TSPAN7: variants seen among roughly 807,000 people sequenced by gnomAD.
The protein encoded by TSPAN7 is tetraspanin-7.
TSPAN7 carries 1 observed loss-of-function variant against 17.6 expected under a neutral mutation model. That is an observed-to-expected ratio of 0.06 (90% confidence interval 0.02 to 0.27). The LOEUF is 0.27. Ranked by LOEUF, TSPAN7 falls within the 10% of genes least tolerant of loss-of-function variation. The probability of loss-of-function intolerance (pLI) is 1.00; values close to 1 mark genes in which losing one functional copy is unlikely to be tolerated. For missense variants in TSPAN7, 112 were observed against 201.7 expected, an observed-to-expected ratio of 0.56 and a Z score of 2.69; for synonymous variants, 78 against 79.0, an observed-to-expected ratio of 0.99 and a Z score of 0.07.
intron 1 of TSPAN7, among the ~76,000 whole-genome samples, chrX:38,587,345 A>C (rs1485331753): frequency 8.9e-6 from 1 of 112,023 alleles, no homozygotes; most frequent in Non-Finnish European, 1.9e-5. Context: ...TGATTGTTTA[A>C]TCTGCTTTGT....
At chrX:38,653,813 C>T (rs775366429) in intron 1 of TSPAN7, among the ~76,000 whole-genome samples, 26 of 112,100 alleles carry the variant, frequency 2.3e-4, no homozygotes, top group South Asian at 3.7e-4. Context: ...ATGTGCACAA[C>T]GTGCAGGTTT....
chrX:38,580,901 T>C (rs2069224062), intron 1 of TSPAN7, among the ~76,000 whole-genome samples: 1 of 111,652 alleles, frequency 9.0e-6, no homozygotes, highest in Non-Finnish European at 1.9e-5. Context: ...GAGGGTACTC[T>C]GAGAATCCCT....
intron 1 of TSPAN7, among the ~76,000 whole-genome samples, chrX:38,588,905 T>A (rs1460495507): frequency 9.0e-6 from 1 of 111,700 alleles, no homozygotes; most frequent in African/African-American, 3.3e-5. Context: ...TTTATCATTG[T>A]AATGGACTAG....
At chrX:38,627,445 G>A (rs1396355622) in intron 1 of TSPAN7, among the ~76,000 whole-genome samples, 1 of 112,206 alleles carries the variant, frequency 8.9e-6, no homozygotes, top group Non-Finnish European at 1.9e-5. Flanking sequence ...TTTTCAGATT[G>A]TTACGTCAGT....
chrX:38,604,550 A>G, intron 1 of TSPAN7, among the ~76,000 whole-genome samples: 1 of 111,244 alleles, frequency 9.0e-6, no homozygotes, highest in Non-Finnish European at 1.9e-5. Flanking sequence ...TGACTTTTTA[A>G]TGATTGCCAT....
intron 2 of TSPAN7, 68 bp downstream of exon 2, chrX:38,666,377 G>T (rs2069781806): frequency 1.8e-6 from 2 of 1,097,773 alleles, no homozygotes; most frequent in South Asian, 1.9e-5. Flanking sequence ...TTACATGGAG[G>T]TGAAGTGGTT....
At chrX:38,610,285 CA>C (rs770555321) in intron 1 of TSPAN7, among the ~76,000 whole-genome samples, 2 of 111,909 alleles carry the variant, frequency 1.8e-5, no homozygotes, top group South Asian at 7.5e-4. Flanking sequence ...ATCACTCAGC[CA>C]GTGAGTGGCA....
At chrX:38,682,719 T>A (rs1027881204) in intron 6 of TSPAN7, among the ~76,000 whole-genome samples, 11 of 111,715 alleles carry the variant, frequency 9.8e-5, no homozygotes, top group Non-Finnish European at 2.1e-4. Context: ...CAAACCAGAG[T>A]GGGGTCACAA....
intron 1 of TSPAN7, among the ~76,000 whole-genome samples, chrX:38,650,778 C>G (rs1311856529): frequency 9.0e-6 from 1 of 111,495 alleles, no homozygotes; most frequent in Non-Finnish European, 1.9e-5. Context: ...CTTTTCTGGA[C>G]TTCTCATTTG....
At chrX:38,584,013 G>A (rs1272365947) in intron 1 of TSPAN7, among the ~76,000 whole-genome samples, 4 of 97,849 alleles carry the variant, frequency 4.1e-5, no homozygotes, top group Non-Finnish European at 8.1e-5. Flanking sequence ...GAGTGCAGTG[G>A]CACAATCTCA....
chrX:38,671,823 C>A (rs183778618), intron 3 of TSPAN7, among the ~76,000 whole-genome samples: 10 of 111,031 alleles, frequency 9.0e-5, no homozygotes, highest in African/African-American at 3.3e-4. Flanking sequence ...GCAGGAGGAT[C>A]TCTTGAGGCC....
At chrX:38,634,493 T>C (rs993339042) in intron 1 of TSPAN7, among the ~76,000 whole-genome samples, 1 of 112,121 alleles carries the variant, frequency 8.9e-6, no homozygotes, top group Non-Finnish European at 1.9e-5. Context: ...ACTTGACTCA[T>C]TCTCCTGTTA....
At chrX:38,607,770 A>T (rs1444944417) in intron 1 of TSPAN7, among the ~76,000 whole-genome samples, 1 of 109,101 alleles carries the variant, frequency 9.2e-6, no homozygotes, top group Admixed American at 9.9e-5. Flanking sequence ...CATTTTTAGG[A>T]CTCACCTTCT....
At chrX:38,631,025 G>C (rs931886787) in intron 1 of TSPAN7, among the ~76,000 whole-genome samples, 1 of 112,439 alleles carries the variant, frequency 8.9e-6, no homozygotes, top group African/African-American at 3.2e-5. Context: ...CAGTGGGCTA[G>C]AATTCTTCAT....
Position 38,666,163 on chromosome X carries a change from C to T in TSPAN7, c.124C>T (p.Leu42Phe), listed in dbSNP as rs376711090. Residue 42 changes from leucine to phenylalanine, a missense_variant, in exon 2 of 8, where the codon CTT becomes TTT. Leu to Phe is a conservative substitution (Grantham distance 22). Coordinates refer to ENST00000378482, the MANE Select transcript of TSPAN7 (RefSeq NM_004615.4). ...ILLAVGVWGK[L>F]TLGTYISLIA... is the part of the protein sequence containing the mutation. ...GCTGGCTGTTGGAGTCTGGGGCAAA[C>T]TTACTCTGGGCACCTATATCTCCCT... The T allele has an allele frequency of 2.5e-6, 3 of 1,208,714 alleles. No individual in the cohort carries two copies. Among genetic ancestry groups the T allele is most frequent in the African/African-American group, 3.5e-5 (2 of 56,745 alleles).
intron 1 of TSPAN7, among the ~76,000 whole-genome samples, chrX:38,622,651 C>G (rs2069495283): frequency 8.9e-6 from 1 of 112,357 alleles, no homozygotes; most frequent in African/African-American, 3.2e-5. Context: ...GAATTGGGTC[C>G]TACTTGGGAA....
At chrX:38,608,813 CA>C (rs932657423) in intron 1 of TSPAN7, among the ~76,000 whole-genome samples, 2 of 111,552 alleles carry the variant, frequency 1.8e-5, no homozygotes, top group Admixed American at 1.9e-4. Context: ...TTATTTCCCA[CA>C]AAAATGGAGT....
chrX:38,669,111 C>G (rs1428723379), intron 2 of TSPAN7, among the ~76,000 whole-genome samples: 1 of 111,096 alleles, frequency 9.0e-6, no homozygotes, highest in Non-Finnish European at 1.9e-5. Flanking sequence ...AATGTTCCCA[C>G]CACAAAGAAA....
chrX:38,577,402 A>T (rs1381037896), intron 1 of TSPAN7, among the ~76,000 whole-genome samples: 1 of 110,470 alleles, frequency 9.1e-6, no homozygotes. Flanking sequence ...TCTGACCTTT[A>T]AATATTTGTT....
Sources: gnomAD v4.1 joint callset for allele counts (sites outside exome capture counted in the v4.1 genomes callset) on GRCh38, gnomAD v4.1.1 for gene constraint, MANE v1.5 for transcripts, NCBI Gene and HGNC (gene_info 2026-07-23, HGNC 2026-07-21) for gene names.